Variants in GGT1 observed in about 807,000 individuals in gnomAD.
GGT1 encodes gamma-glutamyltransferase 1, also known as glutathione hydrolase 1 proenzyme.
A neutral mutation model predicts 56.0 loss-of-function variants in GGT1; 21 were observed. The ratio of observed to expected loss-of-function variants is 0.38; its 90% CI spans 0.27 to 0.54. The LOEUF is 0.54. GGT1 is among the 20% of genes least tolerant of loss of function. The probability of loss-of-function intolerance (pLI) is 0.82; values close to 1 mark genes in which losing one functional copy is unlikely to be tolerated. For synonymous variants in GGT1, 238 were observed against 342.6 expected (o/e 0.69, Z 3.37); for missense variants, 466 against 787.0 (o/e 0.59, Z 4.88).
intron 6 of GGT1, 57 bp downstream of exon 6, chr22:24,614,963 C>T (rs2046967022): frequency 6.4e-7 from 1 of 1,569,172 alleles, no homozygotes; most frequent in South Asian, 1.1e-5. Context: ...TGGGCCGAGG[C>T]ACAGCTGGGC....
the GGT1 span, among the ~76,000 whole-genome samples, chr22:24,587,631 C>T: frequency 6.6e-6 from 1 of 152,106 alleles, no homozygotes; most frequent in Non-Finnish European, 1.5e-5. Flanking sequence ...GTGTGAGGCT[C>T]CATGGATGGA....
intron 1 of GGT1, among the ~76,000 whole-genome samples, chr22:24,604,073 C>G (rs1289974759): frequency 6.6e-6 from 1 of 151,952 alleles, no homozygotes; most frequent in East Asian, 1.9e-4. Flanking sequence ...AGACAGATTC[C>G]AACTCCACGT....
At chr22:24,612,459 C>A (rs2046776660) in intron 5 of GGT1, among the ~76,000 whole-genome samples, 1 of 124,560 alleles carries the variant, frequency 8.0e-6, no homozygotes, top group African/African-American at 3.0e-5. Flanking sequence ...CATCCCTCCC[C>A]CCTCCCCCCA....
upstream of GGT1, among the ~76,000 whole-genome samples, chr22:24,594,239 C>T (rs1043379507): frequency 2.6e-5 from 4 of 152,050 alleles, no homozygotes; most frequent in African/African-American, 9.7e-5. Flanking sequence ...ACATCTCCTG[C>T]GTGGGGAACG....
intron 1 of GGT1, chr22:24,607,538 C>T (rs2046397983): frequency 6.5e-6 from 1 of 154,576 alleles, no homozygotes; most frequent in Admixed American, 6.5e-5. Context: ...GCTGCGTGAA[C>T]TTTAGTCACG....
chr22:24,588,713 G>A, the GGT1 span: 1 of 1,076,524 alleles, frequency 9.3e-7, no homozygotes, highest in Non-Finnish European at 1.1e-6. Flanking sequence ...GCCCCTCGAG[G>A]GAGCCGTGCT....
intron 7 of GGT1, among the ~76,000 whole-genome samples, chr22:24,618,035 G>A (rs909060633): frequency 1.3e-5 from 2 of 152,174 alleles, no homozygotes; most frequent in Admixed American, 6.5e-5. Context: ...GTGCTGGCAT[G>A]AGAGTCTGAT....
upstream of GGT1, chr22:24,592,867 C>A (rs1318356951): frequency 1.6e-6 from 2 of 1,281,750 alleles, no homozygotes; most frequent in Admixed American, 4.1e-5. Flanking sequence ...TCTCGCCTGG[C>A]GCAGGAGGCG....
upstream of GGT1, chr22:24,593,143 C>A: frequency 1.0e-6 from 1 of 995,724 alleles, no homozygotes. Context: ...GCGGCCCTGC[C>A]CCGTCCGGGT....
chr22:24,622,893 G>A (rs1401201894), intron 9 of GGT1, among the ~76,000 whole-genome samples: 1 of 152,196 alleles, frequency 6.6e-6, no homozygotes, highest in East Asian at 1.9e-4. Flanking sequence ...CGGAGCTGAT[G>A]AGGTTCCCAA....
chr22:24,592,996 G>A (rs1425404837), upstream of GGT1: 8 of 1,148,130 alleles, frequency 7.0e-6, no homozygotes, highest in Admixed American at 4.8e-5. Context: ...CCCGGCCTCA[G>A]AGCCAGCCTC....
At chr22:24,591,912 CCA>C (rs2045578616), upstream of GGT1, among the ~76,000 whole-genome samples, 1 of 152,246 alleles carries the variant, frequency 6.6e-6, no homozygotes, top group Admixed American at 6.5e-5. Flanking sequence ...CCTGCTGAAT[CCA>C]GAGTTGGAGG....
At position 24,628,222 on chromosome 22, in the gene GGT1, G is replaced by C. The variant is rs374097710; in HGVS notation, c.1449+29G>C. On this transcript the variant is annotated intron_variant, in intron 14 of 15. Coordinates refer to ENST00000400382, the MANE Select transcript of GGT1 (RefSeq NM_001288833.2). The surrounding 1 kb of genome is among the most constrained non-coding windows in gnomAD (Gnocchi z 5.7). ...TGTGTCACACCTTTTCTCCCTGGCCGTGCCCACCCTGCACAGCCCCCAAGC... is the reference window on the plus strand; with the variant it reads ...TGTGTCACACCTTTTCTCCCTGGCCCTGCCCACCCTGCACAGCCCCCAAGC... 1.2e-5 allele frequency: 20 copies of C among 1,611,756 alleles called. No homozygotes were observed. The highest frequency in any genetic ancestry group is 1.7e-5 in the Admixed American group (1 of 59,980).
chr22:24,624,692 C>T (rs2047643089), intron 11 of GGT1: 1 of 983,192 alleles, frequency 1.0e-6, no homozygotes, highest in Non-Finnish European at 1.2e-6. Flanking sequence ...GGGTGCTGTT[C>T]CTACAATGCT....
In GGT1 at chr22:24,611,194, A is replaced by T; in HGVS notation, c.113A>T (p.Tyr38Phe). The change falls in exon 5 of 16, where the codon TAC becomes TTC. Residue 38 changes from tyrosine (Y) to phenylalanine (F), a missense_variant. Physicochemically the swap from Tyr to Phe is conservative, Grantham distance 22 (BLOSUM62 3). Coordinates refer to ENST00000400382, the MANE Select transcript of GGT1 (RefSeq NM_001288833.2). ...SASKEPDNHVYTRAAVAADAK... is the reference protein window; with the variant it reads ...SASKEPDNHVFTRAAVAADAK... ...TCCAAGGAACCTGACAACCATGTGT[A>T]CACCAGGGCTGCCGTGGCCGCGGAT... 1.3e-6 allele frequency: 2 copies of T among 1,588,154 alleles called. No homozygotes were observed. Among genetic ancestry groups the T allele is most frequent in the Non-Finnish European group, 1.7e-6 (2 of 1,167,694 alleles).
the GGT1 span, chr22:24,586,241 T>TG: frequency 1.2e-6 from 2 of 1,613,336 alleles, no homozygotes; most frequent in Non-Finnish European, 1.7e-6. Flanking sequence ...CAGCAGGAGG[T>TG]GCAGCAGCTC....
intron 1 of GGT1, among the ~76,000 whole-genome samples, chr22:24,596,127 T>C (rs1180455697): frequency 1.3e-5 from 2 of 152,012 alleles, no homozygotes; most frequent in Admixed American, 6.6e-5. Context: ...CTTGGCGGGG[T>C]GAGGCGAGAT....
chr22:24,602,120 C>T (rs1601616257), upstream of GGT1, among the ~76,000 whole-genome samples: 1 of 152,138 alleles, frequency 6.6e-6, no homozygotes, highest in Non-Finnish European at 1.5e-5. Flanking sequence ...CCTCGGGGCT[C>T]AGGACGGGCC....
chr22:24,607,691 G>A (rs2079568), intron 1 of GGT1: 3 of 246,542 alleles, frequency 1.2e-5, no homozygotes, highest in Admixed American at 5.5e-5. Context: ...CCCACTGTCC[G>A]CCGGGGCTGC....
Sources: gnomAD v4.1 joint callset for allele counts (sites outside exome capture counted in the v4.1 genomes callset) on GRCh38, gnomAD v4.1.1 for gene constraint, Gnocchi (gnomAD v3.1) non-coding constraint, MANE v1.5 for transcripts, NCBI Gene and HGNC (gene_info 2026-07-23, HGNC 2026-07-21) for gene names.